CANX: variants seen among roughly 807,000 people sequenced by gnomAD.
The protein encoded by CANX is epididymis secretory sperm binding protein.
CANX carries 14 observed loss-of-function variants against 75.7 expected under a neutral mutation model. That is an observed-to-expected ratio of 0.19 (90% confidence interval 0.12 to 0.29). The LOEUF (loss-of-function observed/expected upper bound fraction) is 0.29, where lower values mean the gene tolerates loss of function less well. Ranked by LOEUF, CANX falls within the 10% of genes least tolerant of loss-of-function variation. CANX has a pLI of 1.00. For missense variants in CANX, 567 were observed against 713.2 expected (o/e 0.79, Z 2.34); for synonymous variants, 227 against 236.9 (o/e 0.96, Z 0.38).
chr5:179,713,945 A>C (rs182668118), intron 7 of CANX, among the ~76,000 whole-genome samples: 43 of 152,198 alleles, frequency 2.8e-4, no homozygotes, highest in Admixed American at 5.2e-4. Context: ...TAAATGTTTA[A>C]GGTTACAGAT....
upstream of CANX, among the ~76,000 whole-genome samples, chr5:179,696,923 T>C (rs1468064886): frequency 6.7e-6 from 1 of 148,548 alleles, no homozygotes; most frequent in Non-Finnish European, 1.5e-5. Flanking sequence ...TACTCACTTC[T>C]GGTCTCTGTC....
At chr5:179,684,978 A>T (rs1198705380) in intron 1 of CANX, among the ~76,000 whole-genome samples, 1 of 104,812 alleles carries the variant, frequency 9.5e-6, no homozygotes, top group South Asian at 3.2e-4. Context: ...GGTTTTCACC[A>T]TGTTGGCCCT....
chr5:179,686,841 A>C (rs924416685), intron 1 of CANX, among the ~76,000 whole-genome samples: 6 of 152,176 alleles, frequency 3.9e-5, no homozygotes, highest in Middle Eastern at 3.2e-3. Flanking sequence ...TGCAATGCAC[A>C]GTCTCGGCCC....
In CANX at chr5:179,683,320, A is replaced by G. The variant is rs575198068; in HGVS notation, c.-4+4543A>G. 2.0e-5 allele frequency among the ~76,000 whole-genome samples: 3 copies of G among 151,156 alleles called. No individual in the cohort carries two copies. The East Asian group carries it at 5.9e-4, about 29-fold the overall frequency. ...TTTTTTGTATTTTTTTTTTTAGTAGAGATGGGGTTTCACCGTGTTGGCCAG... is the reference window on the plus strand; with the variant it reads ...TTTTTTGTATTTTTTTTTTTAGTAGGGATGGGGTTTCACCGTGTTGGCCAG... On this transcript the variant is annotated intron_variant, in intron 1 of 14. Transcript: ENST00000681674.
At chr5:179,703,135 A>G (rs1237764888) in intron 1 of CANX, among the ~76,000 whole-genome samples, 2 of 151,978 alleles carry the variant, frequency 1.3e-5, no homozygotes, top group Non-Finnish European at 2.9e-5. Context: ...CTGGTCTCGA[A>G]TTCCTGACCT....
upstream of CANX, among the ~76,000 whole-genome samples, chr5:179,695,240 T>TA (rs1776374356): frequency 6.6e-6 from 1 of 152,020 alleles, no homozygotes; most frequent in Non-Finnish European, 1.5e-5. Flanking sequence ...TGGTTTTTTT[T>TA]AGTAGAGACG....
chr5:179,702,653 C>T (rs949641484), intron 1 of CANX, among the ~76,000 whole-genome samples: 1 of 152,032 alleles, frequency 6.6e-6, no homozygotes, highest in Non-Finnish European at 1.5e-5. Context: ...GCTATGAACA[C>T]GGGTCTGCAA....
At chr5:179,698,641 G>GTA, upstream of CANX, 2 of 1,236,152 alleles carry the variant, frequency 1.6e-6, no homozygotes, top group Non-Finnish European at 2.1e-6. Flanking sequence ...ACGCCCCGAA[G>GTA]GCACCACAGC....
intron 1 of CANX, among the ~76,000 whole-genome samples, chr5:179,684,260 C>T (rs903505336): frequency 2.0e-5 from 3 of 151,974 alleles, no homozygotes; most frequent in African/African-American, 7.2e-5. Flanking sequence ...GTGGTGGTGG[C>T]GTTTTTGAGA....
In CANX at chr5:179,726,710, A is replaced by G; in HGVS notation, c.1676A>G (p.Asp559Gly). Residue 559 changes from aspartate to glycine, a missense_variant, in exon 14 of 15, where the codon GAT becomes GGT. Asp to Gly is a moderately conservative substitution (Grantham distance 94). Coordinates refer to ENST00000247461, the MANE Select transcript of CANX (RefSeq NM_001746.4). ...AAACAGAAAAGTGATGCTGAAGAAG[A>G]TGGTGGCACTGTCAGTCAAGAGGAG... ...EEKQKSDAEE[D>G]GGTVSQEEED... 1 of 1,613,816 alleles carries G rather than the reference A, an allele frequency of 6.2e-7. No individual in the cohort carries two copies. The highest frequency in any genetic ancestry group is 8.5e-7 in the Non-Finnish European group (1 of 1,179,686).
chr5:179,694,433 CAAG>C (rs1359565142), upstream of CANX: 94 of 664,282 alleles, frequency 1.4e-4, no homozygotes, highest in South Asian at 4.3e-4. Flanking sequence ...CTAAGGGAGG[CAAG>C]AAGAAGAAGG....
intron 10 of CANX, among the ~76,000 whole-genome samples, chr5:179,722,203 A>G (rs1433187995): frequency 6.6e-6 from 1 of 152,162 alleles, no homozygotes; most frequent in African/African-American, 2.4e-5. Flanking sequence ...GGTGGCACAC[A>G]CCTGTAGTCC....
intron 1 of CANX, among the ~76,000 whole-genome samples, chr5:179,681,519 T>C (rs1387570730): frequency 6.6e-6 from 1 of 152,136 alleles, no homozygotes; most frequent in Non-Finnish European, 1.5e-5. Flanking sequence ...TAGCTTCCGC[T>C]TGCTCTCATG....
At chr5:179,715,888 G>C in intron 7 of CANX, 1 of 606,912 alleles carries the variant, frequency 1.6e-6, no homozygotes, top group Non-Finnish European at 3.0e-6. Flanking sequence ...ATCATTTGCT[G>C]TAATTCTTAG....
chr5:179,679,038 G>C, intron 1 of CANX: 1 of 1,534,290 alleles, frequency 6.5e-7, no homozygotes, highest in Non-Finnish European at 8.7e-7. Flanking sequence ...AGTGGCGGCC[G>C]CCGTGGCGAG....
intron 7 of CANX, among the ~76,000 whole-genome samples, chr5:179,711,785 C>CA (rs71001042): frequency 8.5e-5 from 9 of 105,272 alleles, no homozygotes; most frequent in South Asian, 3.2e-4. Flanking sequence ...GACTCTGTCT[C>CA]AAAAAAAAAA....
chr5:179,680,033 G>A (rs865882819), intron 1 of CANX, among the ~76,000 whole-genome samples: 6 of 134,800 alleles, frequency 4.5e-5, no homozygotes, highest in Non-Finnish European at 1.5e-5. Flanking sequence ...GGCTGGTCTC[G>A]AACTCCGGAC....
At chr5:179,720,766 A>C (rs954342151) in intron 10 of CANX, among the ~76,000 whole-genome samples, 1 of 151,070 alleles carries the variant, frequency 6.6e-6, no homozygotes, top group African/African-American at 2.5e-5. Context: ...AACTTTCTTT[A>C]ACTTTATTTA....
intron 7 of CANX, chr5:179,715,850 C>A: frequency 1.4e-5 from 7 of 482,844 alleles, no homozygotes; most frequent in Admixed American, 3.4e-5. Flanking sequence ...GTCTATAAGT[C>A]AAGTCTTTGG....
Sources: gnomAD v4.1 joint callset for allele counts (sites outside exome capture counted in the v4.1 genomes callset) on GRCh38, gnomAD v4.1.1 for gene constraint, MANE v1.5 for transcripts, NCBI Gene and HGNC (gene_info 2026-07-23, HGNC 2026-07-21) for gene names.